Variants in ZNF722 observed in about 807,000 individuals in gnomAD.
ZNF722 encodes the protein zinc finger protein 722.
chr7:64,004,455 TAA>T, the ZNF722 span, among the ~76,000 whole-genome samples: 1 of 132,614 alleles, frequency 7.5e-6, no homozygotes, highest in Non-Finnish European at 1.6e-5. Context: ...TATATATATA[TAA>T]AATTAAATTT....
the ZNF722 span, among the ~76,000 whole-genome samples, chr7:64,013,773 A>C: frequency 6.6e-6 from 1 of 152,108 alleles, no homozygotes; most frequent in East Asian, 1.9e-4. Context: ...TCGTCATATT[A>C]TTTTAAGTGG....
At chr7:64,001,946 A>G in the ZNF722 span, among the ~76,000 whole-genome samples, 6 of 151,970 alleles carry the variant, frequency 3.9e-5, no homozygotes, top group African/African-American at 1.5e-4. Context: ...TGCAATGGCA[A>G]AATCTCGGCT....
the ZNF722 span, chr7:64,006,321 T>C: frequency 3.9e-6 from 5 of 1,295,832 alleles, no homozygotes; most frequent in Non-Finnish European, 5.4e-6. Context: ...AACACCCAGG[T>C]AGGTGAGAGC....
the ZNF722 span, among the ~76,000 whole-genome samples, chr7:64,000,808 TCA>T: frequency 6.6e-6 from 1 of 150,680 alleles, no homozygotes; most frequent in African/African-American, 2.4e-5. Flanking sequence ...GGACGGAGTC[TCA>T]CTCTCCGCCC....
chr7:64,015,510 G>A, the ZNF722 span: 2 of 1,612,946 alleles, frequency 1.2e-6, no homozygotes, highest in African/African-American at 1.3e-5. Context: ...ATGTGGCAAA[G>A]CCTTTAGGTG....
At chr7:64,007,263 T>C in the ZNF722 span, among the ~76,000 whole-genome samples, 2 of 149,530 alleles carry the variant, frequency 1.3e-5, no homozygotes, top group Non-Finnish European at 3.0e-5. Context: ...TATTTATACT[T>C]TAAGTTCTAG....
the ZNF722 span, among the ~76,000 whole-genome samples, chr7:64,009,570 C>T: frequency 3.3e-5 from 5 of 152,150 alleles, no homozygotes; most frequent in Non-Finnish European, 5.9e-5. Flanking sequence ...GTTGAACCAG[C>T]CTTGCATCCC....
the ZNF722 span, chr7:63,999,069 C>T: frequency 5.3e-6 from 8 of 1,508,404 alleles, no homozygotes; most frequent in Admixed American, 1.3e-4. Flanking sequence ...TGGCTTGTAG[C>T]AGGACCCAAA....
the ZNF722 span, among the ~76,000 whole-genome samples, chr7:64,001,700 C>T: frequency 6.6e-6 from 1 of 152,196 alleles, no homozygotes; most frequent in African/African-American, 2.4e-5. Flanking sequence ...TATACTCTCA[C>T]TTGCAGTGTA....
At chr7:64,003,475 A>G in the ZNF722 span, among the ~76,000 whole-genome samples, 2 of 152,150 alleles carry the variant, frequency 1.3e-5, no homozygotes, top group Non-Finnish European at 2.9e-5. Flanking sequence ...TTTCAGAGAA[A>G]GAGGAGGAAA....
the ZNF722 span, among the ~76,000 whole-genome samples, chr7:64,000,927 C>T: frequency 6.6e-6 from 1 of 152,018 alleles, no homozygotes; most frequent in Non-Finnish European, 1.5e-5. Flanking sequence ...ACAGTTCCCA[C>T]CACCACATCC....
the ZNF722 span, chr7:64,006,309 C>T: frequency 7.7e-7 from 1 of 1,295,628 alleles, no homozygotes; most frequent in African/African-American, 1.5e-5. Flanking sequence ...AGATGGTAGC[C>T]AAACACCCAG....
chr7:64,013,223 G>A, the ZNF722 span, among the ~76,000 whole-genome samples: 5 of 152,084 alleles, frequency 3.3e-5, no homozygotes, highest in Admixed American at 2.6e-4. Flanking sequence ...TATTGAAAGT[G>A]AGGTCTTAAT....
the ZNF722 span, chr7:64,015,194 T>A: frequency 7.7e-7 from 1 of 1,300,118 alleles, no homozygotes. Context: ...GAGGTTATAA[T>A]GAAGTTAAGC....
At chr7:64,015,579 G>A in the ZNF722 span, 9 of 1,613,408 alleles carry the variant, frequency 5.6e-6, no homozygotes, top group Non-Finnish European at 7.6e-6. Flanking sequence ...CTACACATGT[G>A]AAGAATGTGG....
chr7:64,005,820 A>G, the ZNF722 span: 3 of 1,279,768 alleles, frequency 2.3e-6, no homozygotes, highest in South Asian at 1.5e-5. Context: ...TCTGCTTTGC[A>G]TGAATAATTT....
the ZNF722 span, among the ~76,000 whole-genome samples, chr7:64,011,655 G>A: frequency 6.8e-4 from 104 of 152,158 alleles, no homozygotes; most frequent in East Asian, 1.7e-3. Context: ...TGGGTAACCC[G>A]GCCTTTCTCT....
chr7:64,004,661 A>G, the ZNF722 span, among the ~76,000 whole-genome samples: 1 of 151,894 alleles, frequency 6.6e-6, no homozygotes, highest in African/African-American at 2.4e-5. Flanking sequence ...TACACTTAGG[A>G]GATTTACTAG....
chr7:64,015,516 A>C, the ZNF722 span: 13 of 1,613,040 alleles, frequency 8.1e-6, no homozygotes, highest in Non-Finnish European at 1.1e-5. Flanking sequence ...CAAAGCCTTT[A>C]GGTGGCCCTC....
Sources: allele counts gnomAD v4.1 joint callset (sites outside exome capture counted in the v4.1 genomes callset), GRCh38; gene constraint gnomAD v4.1.1; transcripts MANE v1.5; gene names NCBI Gene and HGNC (gene_info 2026-07-23, HGNC 2026-07-21).